Variants in IL1RL2 observed in about 807,000 individuals in gnomAD.
The protein encoded by IL1RL2 is interleukin-1 receptor-like 2.
A neutral mutation model predicts 66.8 loss-of-function variants in IL1RL2; 68 were observed. The ratio of observed to expected loss-of-function variants is 1.02; its 90% CI spans 0.84 to 1.25. The LOEUF (loss-of-function observed/expected upper bound fraction) is 1.25, where lower values mean the gene tolerates loss of function less well. Ranked by LOEUF, IL1RL2 falls within the 50% of genes most tolerant of loss-of-function variation. The probability of loss-of-function intolerance (pLI) is 0.00; values close to 1 mark genes in which losing one functional copy is unlikely to be tolerated. For missense variants in IL1RL2, 729 were observed against 709.3 expected, an observed-to-expected ratio of 1.03 and a Z score of -0.32; for synonymous variants, 305 against 264.6, an observed-to-expected ratio of 1.15 and a Z score of -1.48.
Position 102,198,496 on chromosome 2 carries a change from A to G in IL1RL2, c.490-3060A>G, listed in dbSNP as rs376540391. 5.3e-5 allele frequency among the ~76,000 whole-genome samples: 8 copies of G among 152,278 alleles called. No individual in the cohort carries two copies. The East Asian group carries it at 1.2e-3, about 22-fold the overall frequency. On this transcript the variant is annotated intron_variant, in intron 4 of 11. Coordinates refer to ENST00000264257, the MANE Select transcript of IL1RL2 (RefSeq NM_003854.4). ...TTTTGGGTCCCTATCACTGTGCTCA[A>G]TCTGAACTTGCTGAAGTTACTTCGC...
At chr2:102,187,444 C>T (rs1686778675) in intron 1 of IL1RL2, 3 of 1,036,634 alleles carry the variant, frequency 2.9e-6, no homozygotes, top group Non-Finnish European at 2.4e-6. Flanking sequence ...GCAGGGGAGG[C>T]TCCGTGCGCC....
intron 11 of IL1RL2, among the ~76,000 whole-genome samples, chr2:102,237,103 C>A (rs937083091): frequency 3.3e-5 from 5 of 152,150 alleles, no homozygotes; most frequent in African/African-American, 1.2e-4. Flanking sequence ...AATTCACAGG[C>A]ACACCCTTCA....
In IL1RL2 at chr2:102,194,669, A is replaced by T. The variant is rs76257948; in HGVS notation, c.489+2549A>T. 2.1e-3 allele frequency among the ~76,000 whole-genome samples: 324 copies of T among 152,144 alleles called. 2 individuals carry two copies. The highest frequency in any genetic ancestry group is 7.3e-3 in the African/African-American group (305 of 41,516). ...ATTAACACTTCCCTGATTACTGATA[A>T]TGTTGATCTTCTTTAAATTTTCTTA... On this transcript the variant is annotated intron_variant, in intron 4 of 11. Coordinates refer to ENST00000264257, the MANE Select transcript of IL1RL2 (RefSeq NM_003854.4).
At chr2:102,194,810 C>G (rs1347323065) in intron 4 of IL1RL2, among the ~76,000 whole-genome samples, 1 of 151,982 alleles carries the variant, frequency 6.6e-6, no homozygotes, top group Non-Finnish European at 1.5e-5. Context: ...TGTGGTAGTG[C>G]AATCATAGTT....
chr2:102,208,095 G>A (rs547374497), intron 5 of IL1RL2, among the ~76,000 whole-genome samples: 16 of 152,296 alleles, frequency 1.1e-4, no homozygotes, highest in Non-Finnish European at 2.1e-4. Flanking sequence ...GTACCATGCC[G>A]CCACTGTCAG....
chr2:102,195,325 A>C (rs1209657012), intron 4 of IL1RL2, among the ~76,000 whole-genome samples: 4 of 152,160 alleles, frequency 2.6e-5, no homozygotes, highest in Non-Finnish European at 4.4e-5. Flanking sequence ...CCTACCCCTA[A>C]GTAAAAAGAC....
At chr2:102,201,214 A>G (rs1014070714) in intron 4 of IL1RL2, among the ~76,000 whole-genome samples, 8 of 151,844 alleles carry the variant, frequency 5.3e-5, no homozygotes, top group African/African-American at 1.5e-4. Context: ...CTTCCAACTC[A>G]CGTAGGCCAC....
intron 1 of IL1RL2, chr2:102,187,325 C>T: frequency 1.7e-6 from 2 of 1,172,344 alleles, no homozygotes; most frequent in Non-Finnish European, 1.1e-6. Context: ...TTTCTCCTTT[C>T]CCGCTGGCCC....
chr2:102,228,539 G>A (rs1421371829), intron 9 of IL1RL2, among the ~76,000 whole-genome samples: 2 of 152,210 alleles, frequency 1.3e-5, no homozygotes, highest in South Asian at 2.1e-4. Context: ...GGGTGCATGT[G>A]TGTACGAGGA....
Position 102,239,423 on chromosome 2 carries a change from G to A in IL1RL2, c.*182G>A. Reference sequence around the variant, plus strand: ...CTGGGGCCATCCCCATGTCATGGTGGGTGAGAGCTGGGGCCATCCCCGTGG... The same window carrying A: ...CTGGGGCCATCCCCATGTCATGGTGAGTGAGAGCTGGGGCCATCCCCGTGG... On this transcript the variant is annotated 3_prime_UTR_variant, in exon 12 of 12. Coordinates refer to ENST00000264257, the MANE Select transcript of IL1RL2 (RefSeq NM_003854.4). The A allele has an allele frequency of 3.4e-6, 2 of 587,472 alleles. No individual in the cohort carries two copies. Among genetic ancestry groups the A allele is most frequent in the South Asian group, 1.8e-5 (1 of 55,260 alleles). The allele number at this position is 587,472 out of a possible 1,614,324, so 36.4% of individuals were successfully genotyped here.
chr2:102,220,236 A>C (rs905175297), intron 8 of IL1RL2, among the ~76,000 whole-genome samples: 21 of 152,204 alleles, frequency 1.4e-4, no homozygotes, highest in African/African-American at 2.4e-5. Context: ...AAAGTGCCAT[A>C]TTTTCAATAC....
rs2241132 is a variant in IL1RL2, at chr2:102,187,575, C to A, written c.-12-281C>A. On this transcript the variant is annotated intron_variant, in intron 1 of 11. Coordinates refer to ENST00000264257, the MANE Select transcript of IL1RL2 (RefSeq NM_003854.4). ...TCGCTGTCAGGTGGCAGAAGCAGCT[C>A]CCACGCGGTCCCCACCGCCGCCGCC... Among the ~76,000 whole-genome samples, 39,288 of 152,022 alleles carry A rather than the reference C, an allele frequency of 0.26. 6,917 individuals are homozygous for A. Among genetic ancestry groups the A allele is most frequent in the African/African-American group, 0.46 (19,267 of 41,472 alleles).
downstream of IL1RL2, among the ~76,000 whole-genome samples, chr2:102,240,181 C>T (rs1675187417): frequency 6.6e-6 from 1 of 152,042 alleles, no homozygotes; most frequent in Non-Finnish European, 1.5e-5. Flanking sequence ...GGGCAAAACC[C>T]AACCTGTGAT....
At chr2:102,207,306 G>A (rs1688787210) in intron 5 of IL1RL2, among the ~76,000 whole-genome samples, 1 of 152,114 alleles carries the variant, frequency 6.6e-6, no homozygotes, top group South Asian at 2.1e-4. Flanking sequence ...CAAGCAAAAG[G>A]AGTTTTGCCC....
rs1235994203 is a variant in IL1RL2, at chr2:102,195,702, CTTCT to C, written c.489+3593_489+3596del. On this transcript the variant is annotated intron_variant, in intron 4 of 11. Transcript: ENST00000264257. ...TTCTTTCTTCTTTCTTCCTTCCTTC[CTTCT>C]TTCTTTCTTTTTTTTTTTCTTTTTT... Among the ~76,000 whole-genome samples, 34 of 119,106 alleles carry C rather than the reference CTTCT, an allele frequency of 2.9e-4. No individual in the cohort carries two copies. The East Asian group carries it at 6.9e-3, about 24-fold the overall frequency. The allele number at this position is 119,106 out of a possible 152,430, so 78.1% of individuals were successfully genotyped here.
chr2:102,200,116 G>GAAAAAAAAAAAAAAAAAAAAAAAAAAAA (rs1559534394), intron 4 of IL1RL2, among the ~76,000 whole-genome samples: 1 of 52,890 alleles, frequency 1.9e-5, no homozygotes, highest in African/African-American at 6.1e-5. Context: ...CCCTGTTCCA[G>GAAAAAAAAAAAAAAAAAAAAAAAAAAAA]CAAAAAAAAA....
chr2:102,195,236 T>G (rs958234855), intron 4 of IL1RL2, among the ~76,000 whole-genome samples: 6 of 152,234 alleles, frequency 3.9e-5, no homozygotes, highest in African/African-American at 1.4e-4. Flanking sequence ...GGTCTCAGAC[T>G]TCCTAGTTTT....
chr2:102,220,086 A>G, intron 8 of IL1RL2, 69 bp downstream of exon 8: 1 of 1,415,752 alleles, frequency 7.1e-7, no homozygotes. Context: ...CATCTGAAGG[A>G]GCAGTGACTC....
chr2:102,232,754 T>A (rs76394402), intron 9 of IL1RL2, among the ~76,000 whole-genome samples: 2 of 152,090 alleles, frequency 1.3e-5, no homozygotes, highest in Non-Finnish European at 2.9e-5. Context: ...CTCTTGAGCA[T>A]TGGGGATAAG....
Sources: gnomAD v4.1 joint callset for allele counts (sites outside exome capture counted in the v4.1 genomes callset) on GRCh38, gnomAD v4.1.1 for gene constraint, MANE v1.5 for transcripts, NCBI Gene and HGNC (gene_info 2026-07-23, HGNC 2026-07-21) for gene names.